The following NAV2 variants were observed in gnomAD, a reference collection of about 807,000 sequenced individuals.
NAV2 encodes helicase, APC down-regulated 1.
In NAV2, 54 loss-of-function variants were observed where a neutral mutation model predicts 223.2. The ratio of observed to expected loss-of-function variants is 0.24; its 90% CI spans 0.19 to 0.30. NAV2 has a LOEUF of 0.30. Among genes scored for constraint, NAV2 ranks in the 10% least tolerant of loss-of-function variants. NAV2 has a pLI of 1.00. For synonymous variants in NAV2, 1,279 were observed against 1,239.3 expected (o/e 1.03, Z -0.67); for missense variants, 2,806 against 3,147.5 (o/e 0.89, Z 2.60).
At chr11:20,048,536 C>T (rs759470845) in intron 14 of NAV2, among the ~76,000 whole-genome samples, 192 bp from the exon 15 acceptor site, 2 of 152,212 alleles carry the variant, frequency 1.3e-5, no homozygotes, top group Non-Finnish European at 2.9e-5. Context: ...AGACGGCAGC[C>T]TGTGATGCAC....
At chr11:19,646,896 C>T (rs1051823769) in intron 1 of NAV2, among the ~76,000 whole-genome samples, 4 of 152,186 alleles carry the variant, frequency 2.6e-5, no homozygotes, top group African/African-American at 9.7e-5. Context: ...ACTTATACTA[C>T]AACCCATCTC....
At chr11:20,089,837 G>T (rs2060709506) in intron 26 of NAV2, among the ~76,000 whole-genome samples, 1 of 152,302 alleles carries the variant, frequency 6.6e-6, no homozygotes, top group African/African-American at 2.4e-5. Context: ...TAACTAAGGA[G>T]CCTAAGCTAG....
chr11:19,611,680 A>C (rs1673466442), intron 1 of NAV2, among the ~76,000 whole-genome samples: 1 of 152,222 alleles, frequency 6.6e-6, no homozygotes, highest in African/African-American at 2.4e-5. Flanking sequence ...CTGATGCAAG[A>C]GGTGGGTTCC....
chr11:19,514,770 C>A (rs557787034), intron 1 of NAV2, among the ~76,000 whole-genome samples: 1 of 152,332 alleles, frequency 6.6e-6, no homozygotes, highest in Admixed American at 6.5e-5. Context: ...GCAGCAGCTG[C>A]TCCTTCAAAG....
Position 20,103,321 on chromosome 11 carries a change from C to G in NAV2, c.6484C>G (p.Pro2162Ala). 1 of 1,614,154 alleles carries G rather than the reference C, an allele frequency of 6.2e-7. No individual in the cohort carries two copies. The highest frequency in any genetic ancestry group is 8.5e-7 in the Non-Finnish European group (1 of 1,179,974). ...CAGTGAGAACAATGCTGTGGACATG[C>G]CCCTCGTCATCATCCTGGACAACCT... Reference protein sequence around the residue: ...CNSENNAVDMPLVIILDNLHH... With the variant: ...CNSENNAVDMALVIILDNLHH... The change falls in exon 33 of 38, where the codon CCC becomes GCC. Residue 2162 changes from proline (P) to alanine (A), a missense_variant. Pro to Ala is a conservative substitution (Grantham distance 27). This residue lies in a region of NAV2 where 824 missense variants were observed against 1,069.4 expected (regional missense o/e 0.77). Transcript: ENST00000349880.
At chr11:19,950,056 T>G (rs1436237265) in intron 10 of NAV2, among the ~76,000 whole-genome samples, 7 of 152,210 alleles carry the variant, frequency 4.6e-5, no homozygotes, top group Non-Finnish European at 1.0e-4. Flanking sequence ...AGACTTAAGG[T>G]GCAGTGAGTT....
intron 3 of NAV2, among the ~76,000 whole-genome samples, chr11:19,862,554 A>G (rs1565450323): frequency 6.6e-6 from 1 of 152,222 alleles, no homozygotes; most frequent in Non-Finnish European, 1.5e-5. Context: ...ACAGAAGGGC[A>G]GGCCCTGATG....
At chr11:20,056,282 G>A (rs941332485) in intron 19 of NAV2, among the ~76,000 whole-genome samples, 2 of 152,218 alleles carry the variant, frequency 1.3e-5, no homozygotes, top group Admixed American at 1.3e-4. Flanking sequence ...TCCACCTTGA[G>A]GCTCAGCCAC....
intron 6 of NAV2, among the ~76,000 whole-genome samples, chr11:19,898,466 A>G (rs1482067454): frequency 2.0e-5 from 3 of 152,252 alleles, no homozygotes; most frequent in Non-Finnish European, 4.4e-5. Flanking sequence ...TACTTTCAAA[A>G]TCTTTTAAAT....
At chr11:19,456,217 C>T (rs544085926) in intron 1 of NAV2, among the ~76,000 whole-genome samples, 4 of 152,184 alleles carry the variant, frequency 2.6e-5, no homozygotes, top group African/African-American at 4.8e-5. Flanking sequence ...TAAAGGATAC[C>T]TGTGATATAC....
intron 1 of NAV2, among the ~76,000 whole-genome samples, chr11:19,829,575 A>G (rs1240473450): frequency 6.6e-6 from 1 of 152,188 alleles, no homozygotes; most frequent in East Asian, 1.9e-4. Context: ...GTATGAGCTC[A>G]TTTCATCTTC....
intron 1 of NAV2, among the ~76,000 whole-genome samples, chr11:19,442,867 G>A: frequency 6.6e-6 from 1 of 152,222 alleles, no homozygotes; most frequent in Non-Finnish European, 1.5e-5. Context: ...CAGCTTAGAA[G>A]TGGATTGTCC....
chr11:20,075,760 G>A (rs896297406), intron 22 of NAV2, among the ~76,000 whole-genome samples: 5 of 151,920 alleles, frequency 3.3e-5, no homozygotes, highest in East Asian at 1.9e-4. Flanking sequence ...CACAGTGCAC[G>A]GCAAAAGCAT....
At chr11:20,078,833 C>G (rs1192835664) in intron 24 of NAV2, among the ~76,000 whole-genome samples, 1 of 152,134 alleles carries the variant, frequency 6.6e-6, no homozygotes, top group African/African-American at 2.4e-5. Context: ...TGACTTAGCT[C>G]TTATAACAAT....
chr11:19,770,420 C>T (rs369928531), intron 1 of NAV2, among the ~76,000 whole-genome samples: 5 of 151,974 alleles, frequency 3.3e-5, no homozygotes, highest in African/African-American at 1.2e-4. Flanking sequence ...ACCAGCAGCA[C>T]GGAGGCCCTT....
intron 1 of NAV2, among the ~76,000 whole-genome samples, chr11:19,776,606 GTGGTTAGAGTTGTGGGGGTCAGAAAA>G (rs1222999811): frequency 7.2e-5 from 8 of 111,122 alleles, no homozygotes; most frequent in African/African-American, 2.1e-4. Context: ...GTGTGTGTGT[GTGGTTAGAGTTGTGGGGGTCAGAAAA>G]TGTGTGTGTG....
Position 20,105,143 on chromosome 11 carries a change from A to G in NAV2, c.6645-388A>G, listed in dbSNP as rs2245740. 4.4e-3 allele frequency: 710 copies of G among 161,888 alleles called. 4 individuals carry two copies. Among genetic ancestry groups the G allele is most frequent in the African/African-American group, 0.016 (663 of 41,772 alleles). The allele number at this position is 161,888 out of a possible 1,614,324, so 10.0% of individuals were successfully genotyped here. A position where few individuals can be genotyped will look rare whatever the true frequency, so the allele number is the denominator to read the frequency against. On this transcript the variant is annotated intron_variant, in intron 34 of 37. Coordinates refer to ENST00000349880, the MANE Select transcript of NAV2 (RefSeq NM_145117.5). ...GTGTCTTAGTCATAGTGATAGTTCCATAGCCTAGCACCGGGCCTGACATCA... is the reference window on the plus strand; with the variant it reads ...GTGTCTTAGTCATAGTGATAGTTCCGTAGCCTAGCACCGGGCCTGACATCA...
At chr11:19,356,280 G>C (rs1853611346) in intron 1 of NAV2, among the ~76,000 whole-genome samples, 1 of 152,210 alleles carries the variant, frequency 6.6e-6, no homozygotes. Context: ...GGTCAGGGGG[G>C]AGGATGGCAA....
At position 20,059,001 on chromosome 11, in the gene NAV2, A is replaced by G. The variant is rs184810776; in HGVS notation, c.4831+3044A>G. ...GACTTGAAGACTTTATGCAGCCACA[A>G]TGATGTCTTAAGCTTCTTGATTCCA... On this transcript the variant is annotated intron_variant, in intron 19 of 37. Coordinates refer to ENST00000349880, the MANE Select transcript of NAV2 (RefSeq NM_145117.5). 3.2e-3 allele frequency among the ~76,000 whole-genome samples: 482 copies of G among 152,186 alleles called. 16 individuals are homozygous for G. The highest frequency in any genetic ancestry group is 0.029 in the Admixed American group (444 of 15,296).
Sources: gnomAD v4.1 joint callset for allele counts (sites outside exome capture counted in the v4.1 genomes callset) on GRCh38, gnomAD v4.1.1 for gene constraint, gnomAD v4.1.1 regional missense constraint, MANE v1.5 for transcripts, NCBI Gene and HGNC (gene_info 2026-07-23, HGNC 2026-07-21) for gene names.